The following NUAK1 variants were observed in gnomAD, a reference collection of about 807,000 sequenced individuals.
The protein encoded by NUAK1 is NUAK family SNF1-like kinase 1.
In NUAK1, 26 loss-of-function variants were observed where a neutral mutation model predicts 56.9. The ratio of observed to expected loss-of-function variants is 0.46; its 90% CI spans 0.33 to 0.63. The LOEUF is 0.63. Among genes scored for constraint, NUAK1 ranks in the 30% least tolerant of loss-of-function variants. The pLI is 0.02. For missense variants in NUAK1, 727 were observed against 876.1 expected (o/e 0.83, Z 2.15); for synonymous variants, 337 against 336.0 (o/e 1.00, Z -0.03).
intron 1 of NUAK1, among the ~76,000 whole-genome samples, chr12:106,125,774 A>C (rs1450937087): frequency 1.3e-5 from 2 of 152,108 alleles, no homozygotes; most frequent in Non-Finnish European, 2.9e-5. Context: ...CTGCCTGAAA[A>C]ACAGATACCC....
chr12:106,084,555 C>T (rs2032553189), intron 3 of NUAK1, among the ~76,000 whole-genome samples: 1 of 152,204 alleles, frequency 6.6e-6, no homozygotes, highest in South Asian at 2.1e-4. Context: ...GAGACTGGGA[C>T]CACTGGCCTG....
At chr12:106,120,427 A>G (rs2032962223) in intron 1 of NUAK1, among the ~76,000 whole-genome samples, 1 of 152,162 alleles carries the variant, frequency 6.6e-6, no homozygotes, top group Non-Finnish European at 1.5e-5. Flanking sequence ...TTATTATAAT[A>G]ATAACGAACA....
intron 1 of NUAK1, among the ~76,000 whole-genome samples, chr12:106,130,270 C>T (rs901009109): frequency 1.3e-5 from 2 of 152,236 alleles, no homozygotes; most frequent in Non-Finnish European, 2.9e-5. Flanking sequence ...GCGTGAACCA[C>T]CGTGCCCAGC....
chr12:106,130,444 T>C lies in NUAK1; in HGVS notation c.240+7970A>G, dbSNP rs2033066080. Among the ~76,000 whole-genome samples the C allele has an allele frequency of 3.3e-5, 5 of 152,236 alleles. No individual in the cohort carries two copies. In the South Asian group the frequency reaches 1.0e-3, roughly 32 times the overall value. On this transcript the variant is annotated intron_variant, in intron 1 of 6. Transcript: ENST00000261402. The stretch of plus-strand genomic sequence containing the variant: ...GCTGGACACATTGTTAAGCACACAT[T>C]AAATACATCTATCTGGTTTATTGCT...
chr12:106,129,671 TC>T (rs1448019073), intron 1 of NUAK1, among the ~76,000 whole-genome samples: 1 of 152,100 alleles, frequency 6.6e-6, no homozygotes. Context: ...GATAAGAAGG[TC>T]ACTGGGTACT....
chr12:106,138,474 G>T lies in NUAK1; in HGVS notation c.180C>A (p.Thr60=). 1 of 1,613,480 alleles carries T rather than the reference G, an allele frequency of 6.2e-7. No homozygotes were observed. Among genetic ancestry groups the T allele is most frequent in the Non-Finnish European group, 8.5e-7 (1 of 1,179,816 alleles). The change falls in exon 1 of 7, where the codon ACC becomes ACA. Residue 60 remains threonine (T), a synonymous_variant. Coordinates refer to ENST00000261402, the MANE Select transcript of NUAK1 (RefSeq NM_014840.3). This position sits in a 1 kb window ranked among gnomAD's most constrained non-coding sequence, Gnocchi z 5.0. ...CTTTGCCGTAGGTGCCTTTGCCCAG[G>T]GTCTCCTGCAGCTCGTAGCGGTGCT... ...NLKHRYELQE[T]LGKGTYGKVK...
At position 106,138,163 on chromosome 12, in the gene NUAK1, A is replaced by C. The variant is rs894961551; in HGVS notation, c.240+251T>G. Among the ~76,000 whole-genome samples the C allele has an allele frequency of 1.3e-5, 2 of 152,226 alleles. No homozygotes were observed. The highest frequency in any genetic ancestry group is 6.5e-5 in the Admixed American group (1 of 15,284). The stretch of plus-strand genomic sequence containing the variant: ...AAAACATTCCTTTGCTGCTAGGATT[A>C]AATTTTTAAAAACAAACCAAAAAAT... On this transcript the variant is annotated intron_variant, in intron 1 of 6. Coordinates refer to ENST00000261402, the MANE Select transcript of NUAK1 (RefSeq NM_014840.3). The surrounding 1 kb of genome is among the most constrained non-coding windows in gnomAD (Gnocchi z 5.0).
At chr12:106,110,352 G>A (rs542734171) in intron 1 of NUAK1, among the ~76,000 whole-genome samples, 20 of 152,264 alleles carry the variant, frequency 1.3e-4, no homozygotes, top group Middle Eastern at 3.4e-3. Context: ...GGGAGCCAGC[G>A]CGACTGCTCC....
At chr12:106,106,666 T>C (rs1288854563) in intron 1 of NUAK1, 141 bp from the exon 2 acceptor site, 3 of 763,234 alleles carry the variant, frequency 3.9e-6, no homozygotes, top group Non-Finnish European at 6.0e-6. Context: ...AATGCCCCCT[T>C]GTCATGTCTT....
chr12:106,122,925 T>C (rs533491343), intron 1 of NUAK1, among the ~76,000 whole-genome samples: 37 of 152,290 alleles, frequency 2.4e-4, no homozygotes, highest in African/African-American at 8.4e-4. Context: ...AGAGGATCTG[T>C]TTGTTTGCTC....
intron 6 of NUAK1, among the ~76,000 whole-genome samples, chr12:106,068,442 G>C (rs1592847024): frequency 6.6e-6 from 1 of 152,234 alleles, no homozygotes; most frequent in African/African-American, 2.4e-5. Flanking sequence ...GCCAGAGACA[G>C]AACATGGAGT....
chr12:106,083,755 G>C (rs912960906), intron 4 of NUAK1, 109 bp downstream of exon 4: 10 of 878,076 alleles, frequency 1.1e-5, no homozygotes, highest in Non-Finnish European at 1.7e-5. Flanking sequence ...CAGCCTGCCA[G>C]GTAGGAAGTG....
intron 2 of NUAK1, among the ~76,000 whole-genome samples, chr12:106,092,393 C>G (rs2032644645): frequency 6.6e-6 from 1 of 151,900 alleles, no homozygotes; most frequent in African/African-American, 2.4e-5. Flanking sequence ...TAGTGGGCAC[C>G]TGTAATCCCA....
intron 6 of NUAK1, among the ~76,000 whole-genome samples, chr12:106,068,212 T>C (rs568460422): frequency 1.3e-5 from 2 of 152,224 alleles, no homozygotes; most frequent in East Asian, 1.9e-4. Flanking sequence ...GAAAATGTCA[T>C]AGAACTACTA....
rs537066624 is a variant in NUAK1 at position 106,138,584 on chromosome 12, G to T, written c.70C>A (p.Arg24=). ...GCAGTCGCCCCCGCCACCGCCTCTC[G>T]GGGAGAGCCCGGCGCCCCCAGCCCC... ...DLGLGAPGSP[R]EAVAGATAAL... is the part of the protein sequence containing the mutation. Residue 24 remains arginine (R), a synonymous_variant, in exon 1 of 7, where the codon CGA becomes AGA. Coordinates refer to ENST00000261402, the MANE Select transcript of NUAK1 (RefSeq NM_014840.3). This position sits in a 1 kb window ranked among gnomAD's most constrained non-coding sequence, Gnocchi z 5.0. 3 of 1,595,932 alleles carry T rather than the reference G, an allele frequency of 1.9e-6. No individual in the cohort carries two copies. Among genetic ancestry groups the T allele is most frequent in the Admixed American group, 1.7e-5 (1 of 58,918 alleles).
chr12:106,103,254 AC>A (rs1420098594), intron 2 of NUAK1: 4 of 152,096 alleles, frequency 2.6e-5, no homozygotes, highest in Non-Finnish European at 5.9e-5. Flanking sequence ...AGAACCTGGA[AC>A]CTTCATGCTG....
Position 106,064,895 on chromosome 12 carries a change from G to A in NUAK1, c.*1907C>T, listed in dbSNP as rs1410509208. 6.7e-6 allele frequency: 1 copy of A among 148,616 alleles called. No homozygotes were observed. 9.2% of individuals were successfully genotyped at this position (148,616 alleles called of 1,614,324 possible). A position where few individuals can be genotyped will look rare whatever the true frequency, so the allele number is the denominator to read the frequency against. On this transcript the variant is annotated 3_prime_UTR_variant, in exon 7 of 7. Transcript: ENST00000261402. Reference sequence around the variant, plus strand: ...AGGTGGAATTGAATGAAAGGAAATTGAGCAGCTTCCCATAACACACTGCTC... The same window carrying A: ...AGGTGGAATTGAATGAAAGGAAATTAAGCAGCTTCCCATAACACACTGCTC...
chr12:106,108,043 C>T (rs1225552494), intron 1 of NUAK1, among the ~76,000 whole-genome samples: 3 of 151,464 alleles, frequency 2.0e-5, no homozygotes, highest in Non-Finnish European at 4.4e-5. Flanking sequence ...TTAGTGTAGG[C>T]AGGTAGGCAG....
In NUAK1 at chr12:106,065,548, A is replaced by T. The variant is rs989517440; in HGVS notation, c.*1254T>A. On this transcript the variant is annotated 3_prime_UTR_variant, in exon 7 of 7. Coordinates refer to ENST00000261402, the MANE Select transcript of NUAK1 (RefSeq NM_014840.3). ...TAGAATACTTAGATTTGGGGGAAAA[A>T]AAGCACCATCTACCTGATTTTCCTT... is the stretch of plus-strand genomic sequence containing the variant. 3 of 152,148 alleles carry T rather than the reference A, an allele frequency of 2.0e-5. No homozygotes were observed. Among genetic ancestry groups the T allele is most frequent in the Admixed American group, 1.3e-4 (2 of 15,262 alleles). 9.4% of individuals were successfully genotyped at this position (152,148 alleles called of 1,614,324 possible). A position where few individuals can be genotyped will look rare whatever the true frequency, so the allele number is the denominator to read the frequency against.
Sources: gnomAD v4.1 joint callset for allele counts (sites outside exome capture counted in the v4.1 genomes callset) on GRCh38, gnomAD v4.1.1 for gene constraint, Gnocchi (gnomAD v3.1) non-coding constraint, MANE v1.5 for transcripts, NCBI Gene and HGNC (gene_info 2026-07-23, HGNC 2026-07-21) for gene names.